Variants in TOP2A observed in about 807,000 individuals in gnomAD.
The protein encoded by TOP2A is DNA topoisomerase II alpha, also known as DNA topoisomerase 2-alpha.
Under a neutral mutation model 187.2 loss-of-function variants are expected in TOP2A, and 68 were observed. The observed-to-expected ratio is 0.36, with a 90% CI of 0.30 to 0.44. The LOEUF is 0.44. Ranked by LOEUF, TOP2A falls within the 20% of genes least tolerant of loss-of-function variation. The pLI, the probability that TOP2A is intolerant of heterozygous loss-of-function variation, is 1.00. For missense variants in TOP2A, 1,196 were observed against 1,808.7 expected, an observed-to-expected ratio of 0.66 and a Z score of 6.14; for synonymous variants, 542 against 593.2, an observed-to-expected ratio of 0.91 and a Z score of 1.25.
intron 29 of TOP2A, among the ~76,000 whole-genome samples, chr17:40,395,128 C>G (rs2035075698): frequency 6.6e-6 from 1 of 151,898 alleles, no homozygotes; most frequent in Admixed American, 6.6e-5. Context: ...ACTAAAAATA[C>G]AAAAAGCAGC....
rs768093965 is a variant in TOP2A at position 40,398,576 on chromosome 17, T to C, written c.3519A>G (p.Thr1173=). 7 of 1,583,648 alleles carry C rather than the reference T, an allele frequency of 4.4e-6. No homozygotes were observed. The highest frequency in any genetic ancestry group is 2.7e-5 in the African/African-American group (2 of 74,480). Residue 1173 remains threonine, a synonymous_variant, in exon 27 of 35, where the codon ACA becomes ACG. Transcript: ENST00000423485. ...TACATACCTCCAATTCTTCAATAAA[T>C]GTAGCCAAGTCTTCTTTCCACAAAT... ...PSDLWKEDLA[T]FIEELEAVEA... is the part of the protein sequence containing the mutation.
chr17:40,402,868 G>A, intron 20 of TOP2A, 38 bp downstream of exon 20: 1 of 1,552,624 alleles, frequency 6.4e-7, no homozygotes, highest in Middle Eastern at 1.7e-4. Flanking sequence ...TTTCAAAACT[G>A]GAAATGGCAA....
At chr17:40,396,072 C>G (rs185286099) in intron 28 of TOP2A, among the ~76,000 whole-genome samples, 1 of 151,298 alleles carries the variant, frequency 6.6e-6, no homozygotes, top group Admixed American at 6.6e-5. Flanking sequence ...CTCTGCCTCC[C>G]GGGTTCAAGC....
At chr17:40,397,865 G>A (rs1345209659) in intron 27 of TOP2A, among the ~76,000 whole-genome samples, 1 of 147,148 alleles carries the variant, frequency 6.8e-6, no homozygotes, top group Non-Finnish European at 1.5e-5. Context: ...AGCAACATCT[G>A]CCTCCCGAGT....
At position 40,417,773 on chromosome 17, in the gene TOP2A, G is replaced by GT; in HGVS notation, c.18_19insA (p.Gln7ThrfsTer5). On this transcript the variant is annotated frameshift_variant, in exon 1 of 35. Transcript: ENST00000423485. LOFTEE classifies it high-confidence loss of function. ...CCAGTCCCCCCCGCGAGCCGTACCTGCAATGGTGACACTTCCATGGTGACG... is the reference window on the plus strand; with the variant it reads ...CCAGTCCCCCCCGCGAGCCGTACCTGTCAATGGTGACACTTCCATGGTGACG... 2 of 1,613,458 alleles carry GT rather than the reference G, an allele frequency of 1.2e-6. No homozygotes were observed. Among genetic ancestry groups the GT allele is most frequent in the Non-Finnish European group, 1.7e-6 (2 of 1,179,878 alleles).
At chr17:40,402,693 T>C (rs535650748) in intron 20 of TOP2A, among the ~76,000 whole-genome samples, 1 of 152,312 alleles carries the variant, frequency 6.6e-6, no homozygotes, top group East Asian at 1.9e-4. Flanking sequence ...AGTCCCAAGC[T>C]CTACATCAGG....
chr17:40,405,843 T>G (rs2035237777), intron 16 of TOP2A, among the ~76,000 whole-genome samples: 2 of 151,864 alleles, frequency 1.3e-5, no homozygotes, highest in Non-Finnish European at 2.9e-5. Flanking sequence ...CTCGGCTCAC[T>G]GCAACCTCTG....
chr17:40,417,440 C>A (rs77090847), intron 1 of TOP2A: 20,812 of 833,982 alleles, frequency 0.025, 379 homozygotes, highest in African/African-American at 0.072. Context: ...TTTCAAGCAG[C>A]GGGCAGGAGG....
intron 1 of TOP2A, 57 bp from the exon 2 acceptor site, chr17:40,416,952 A>C (rs1173127148): frequency 6.9e-7 from 1 of 1,445,692 alleles, no homozygotes; most frequent in Non-Finnish European, 9.3e-7. Flanking sequence ...AGTTTACCCT[A>C]AACTAGGAAC....
At chr17:40,405,510 A>G (rs529652338) in intron 16 of TOP2A, among the ~76,000 whole-genome samples, 31 of 137,932 alleles carry the variant, frequency 2.2e-4, no homozygotes, top group Non-Finnish European at 4.1e-4. Flanking sequence ...GCTGGAGTGC[A>G]GTGGCACCAT....
intron 7 of TOP2A, among the ~76,000 whole-genome samples, chr17:40,412,061 G>T (rs1325559973): frequency 6.6e-6 from 1 of 152,016 alleles, no homozygotes; most frequent in Non-Finnish European, 1.5e-5. Context: ...GCTGGGCATG[G>T]TGGTGCTGCC....
intron 4 of TOP2A, among the ~76,000 whole-genome samples, chr17:40,415,685 C>T (rs1160711496): frequency 1.3e-5 from 2 of 152,182 alleles, no homozygotes; most frequent in Non-Finnish European, 2.9e-5. Context: ...AAATAGGCCG[C>T]GTGCCATGGC....
intron 20 of TOP2A, among the ~76,000 whole-genome samples, chr17:40,402,533 A>G (rs888488982): frequency 3.9e-5 from 6 of 152,212 alleles, no homozygotes; most frequent in Admixed American, 3.9e-4. Context: ...TTCAAGAAGG[A>G]TGGAGCAATT....
Position 40,417,854 on chromosome 17 carries a change from A to G in TOP2A, c.-63T>C. ...GACTAAACAGGCAGGACCCCACGAG[A>G]CCACCCCCGACCAAGCCGCTTCTCC... On this transcript the variant is annotated 5_prime_UTR_variant, in exon 1 of 35. Transcript: ENST00000423485. The G allele has an allele frequency of 6.3e-7, 1 of 1,599,700 alleles. No homozygotes were observed. The highest frequency in any genetic ancestry group is 1.1e-5 in the South Asian group (1 of 89,892).
At position 40,396,476 on chromosome 17, in the gene TOP2A, G is replaced by C; in HGVS notation, c.3538-11C>G. 6.2e-7 allele frequency: 1 copy of C among 1,602,698 alleles called. No homozygotes were observed. Among genetic ancestry groups the C allele is most frequent in the Non-Finnish European group, 8.5e-7 (1 of 1,173,644 alleles). ...CTTGGCTTCAACAGCCTACAGAAGG[G>C]ATATAAGAAAGCAAGTTTAAATGTT... On this transcript the variant is annotated splice_polypyrimidine_tract_variant and intron_variant, in intron 27 of 34. Transcript: ENST00000423485.
intron 23 of TOP2A, 30 bp from the exon 24 acceptor site, chr17:40,400,097 G>A (rs1334707715): frequency 2.5e-6 from 4 of 1,596,236 alleles, no homozygotes; most frequent in Non-Finnish European, 3.4e-6. Context: ...TTAGAGCCAA[G>A]AATAGACAAA....
intron 16 of TOP2A, among the ~76,000 whole-genome samples, chr17:40,406,089 G>A (rs973600638): frequency 2.6e-5 from 4 of 151,920 alleles, no homozygotes; most frequent in Non-Finnish European, 4.4e-5. Flanking sequence ...TTAGTAGAGA[G>A]GGGGTTTCAC....
chr17:40,399,192 G>A (rs2035143346), intron 24 of TOP2A, 61 bp from the exon 25 acceptor site: 3 of 1,198,656 alleles, frequency 2.5e-6, no homozygotes, highest in Non-Finnish European at 3.5e-6. Context: ...AAGGGGATAA[G>A]GTTTTACACA....
intron 16 of TOP2A, 89 bp from the exon 17 acceptor site, chr17:40,404,972 A>G: frequency 1.2e-6 from 1 of 809,820 alleles, no homozygotes; most frequent in South Asian, 1.7e-5. Context: ...ACAACAGAAA[A>G]ACAAAAATAC....
Sources: gnomAD v4.1 joint callset for allele counts (sites outside exome capture counted in the v4.1 genomes callset) on GRCh38, gnomAD v4.1.1 for gene constraint, MANE v1.5 for transcripts, NCBI Gene and HGNC (gene_info 2026-07-23, HGNC 2026-07-21) for gene names.